HTR3B: variants seen among roughly 807,000 people sequenced by gnomAD.
HTR3B encodes the protein 5-hydroxytryptamine receptor 3B, also known as 5-hydroxytryptamine (serotonin) receptor 3B, ionotropic.
HTR3B carries 44 observed loss-of-function variants against 42.8 expected under a neutral mutation model. The observed-to-expected ratio is 1.03, with a 90% CI of 0.81 to 1.32. HTR3B has a LOEUF of 1.32. Ranked by LOEUF, HTR3B falls within the 40% of genes most tolerant of loss-of-function variation. The probability of loss-of-function intolerance (pLI) is 0.00; values close to 1 mark genes in which losing one functional copy is unlikely to be tolerated. For synonymous variants in HTR3B, 203 were observed against 209.0 expected, an observed-to-expected ratio of 0.97 and a Z score of 0.25; for missense variants, 527 against 536.5, an observed-to-expected ratio of 0.98 and a Z score of 0.17.
At chr11:113,918,353 G>C (rs918698504) in intron 2 of HTR3B, among the ~76,000 whole-genome samples, 2 of 151,472 alleles carry the variant, frequency 1.3e-5, no homozygotes, top group East Asian at 3.9e-4. Flanking sequence ...CACAATCAAA[G>C]TACATAATTG....
chr11:113,906,397 A>T (rs1475791176), intron 1 of HTR3B, among the ~76,000 whole-genome samples: 1 of 152,204 alleles, frequency 6.6e-6, no homozygotes, highest in Non-Finnish European at 1.5e-5. Context: ...AACCCTGGGA[A>T]GTCAATTAAT....
At position 113,944,695 on chromosome 11, in the gene HTR3B, G is replaced by T. The variant is rs773811646; in HGVS notation, c.1030G>T (p.Gly344Trp). 1.2e-6 allele frequency: 2 copies of T among 1,614,012 alleles called. No homozygotes were observed. Among genetic ancestry groups the T allele is most frequent in the African/African-American group, 2.7e-5 (2 of 74,898 alleles). Residue 344 changes from glycine to tryptophan, a missense_variant, in exon 8 of 9, where the codon GGG becomes TGG. Physicochemically the swap from Gly to Trp is radical, Grantham distance 184 (BLOSUM62 -2). Transcript: ENST00000260191. ...GQEQPFLCLR[G>W]DTDADRPRVE... Reference sequence around the variant, plus strand: ...GGAGCAGCCCTTCTTGTGCCTTCGAGGGGACACCGATGCTGACAGGCCTAG... The same window carrying T: ...GGAGCAGCCCTTCTTGTGCCTTCGATGGGACACCGATGCTGACAGGCCTAG...
Position 113,946,085 on chromosome 11 carries a change from G to T in HTR3B, c.1274G>T (p.Gly425Val), listed in dbSNP as rs757627797. The part of the protein sequence containing the change: ...LLFQSYLFML[G>V]IYTITLCSLW... ...TTCCAAAGCTACCTTTTCATGCTGGGGATCTACACCATCACTCTGTGCTCC... is the reference window on the plus strand; with the variant it reads ...TTCCAAAGCTACCTTTTCATGCTGGTGATCTACACCATCACTCTGTGCTCC... The change falls in exon 9 of 9, where the codon GGG (glycine) becomes GTG (valine). Residue 425 changes from glycine to valine, a missense_variant. Gly to Val is a moderately radical substitution (Grantham distance 109, BLOSUM62 -3). Transcript: ENST00000260191. The T allele has an allele frequency of 4.1e-6, 6 of 1,473,460 alleles. No individual in the cohort carries two copies. In the Admixed American group the frequency reaches 1.2e-4, roughly 29 times the overall value. 91.3% of individuals were successfully genotyped at this position (1,473,460 alleles called of 1,614,324 possible). A position where few individuals can be genotyped will look rare whatever the true frequency, so the allele number is the denominator to read the frequency against.
At chr11:113,940,150 G>A (rs540428423) in intron 6 of HTR3B, among the ~76,000 whole-genome samples, 1 of 152,068 alleles carries the variant, frequency 6.6e-6, no homozygotes, top group African/African-American at 2.4e-5. Context: ...GCCTCCCAAA[G>A]TGCTAGGATT....
At chr11:113,937,002 G>A (rs1286487913) in intron 6 of HTR3B, among the ~76,000 whole-genome samples, 1 of 152,176 alleles carries the variant, frequency 6.6e-6, no homozygotes, top group Admixed American at 6.5e-5. Context: ...TGGCTTTAAT[G>A]GATAATGAAA....
chr11:113,905,035 G>A (rs1022038853), intron 1 of HTR3B, 50 bp downstream of exon 1: 22 of 1,315,060 alleles, frequency 1.7e-5, no homozygotes, highest in Non-Finnish European at 2.1e-5. Flanking sequence ...ACTCTTAGAA[G>A]ATAGAGACAA....
upstream of HTR3B, among the ~76,000 whole-genome samples, chr11:113,901,069 G>T (rs1051325940): frequency 1.3e-5 from 2 of 152,146 alleles, no homozygotes; most frequent in Non-Finnish European, 2.9e-5. Context: ...GATGAAAAAT[G>T]CTGTATGTAA....
In HTR3B at chr11:113,945,964, C is replaced by T. The variant is rs1389050255; in HGVS notation, c.1153C>T (p.Leu385Phe). 6.2e-6 allele frequency: 10 copies of T among 1,614,036 alleles called. No homozygotes were observed. The highest frequency in any genetic ancestry group is 8.5e-6 in the Non-Finnish European group (10 of 1,180,024). Residue 385 changes from leucine to phenylalanine, a missense_variant, in exon 9 of 9, where the codon CTT (leucine) becomes TTT (phenylalanine). Transcript: ENST00000260191. ...PGTLKEVWSQ[L>F]QSISNYLQTQ... Reference sequence around the variant, plus strand: ...AACCCTGAAGGAAGTCTGGTCGCAGCTTCAATCTATCAGCAACTACCTCCA... The same window carrying T: ...AACCCTGAAGGAAGTCTGGTCGCAGTTTCAATCTATCAGCAACTACCTCCA...
At chr11:113,921,617 CA>C (rs765786534) in intron 2 of HTR3B, among the ~76,000 whole-genome samples, 8,300 of 95,500 alleles carry the variant, frequency 0.087, 282 homozygotes, top group African/African-American at 0.15. Flanking sequence ...GACTCCGTCT[CA>C]AAAAAAAAAA....
intron 6 of HTR3B, among the ~76,000 whole-genome samples, chr11:113,938,039 C>T (rs1454363589): frequency 1.3e-5 from 2 of 152,120 alleles, no homozygotes; most frequent in Non-Finnish European, 2.9e-5. Flanking sequence ...GCTCCCGTCT[C>T]TGCCTCCATC....
chr11:113,925,505 C>A (rs1447381539), intron 2 of HTR3B, among the ~76,000 whole-genome samples: 2 of 147,380 alleles, frequency 1.4e-5, no homozygotes, highest in South Asian at 4.3e-4. Flanking sequence ...CTCACTGCAA[C>A]CTCCGCCTCC....
intron 2 of HTR3B, among the ~76,000 whole-genome samples, chr11:113,926,413 T>C (rs1949972526): frequency 6.6e-6 from 1 of 151,888 alleles, no homozygotes; most frequent in South Asian, 2.1e-4. Context: ...ATATGATAAA[T>C]ATATGTTTAA....
intron 8 of HTR3B, 127 bp downstream of exon 8, chr11:113,944,882 G>T: frequency 1.3e-6 from 1 of 777,680 alleles, no homozygotes; most frequent in Non-Finnish European, 2.0e-6. Context: ...TTCTTAGCCT[G>T]GGTGTGGCAT....
intron 2 of HTR3B, among the ~76,000 whole-genome samples, chr11:113,911,326 G>A (rs1334223374): frequency 2.6e-5 from 4 of 151,752 alleles, no homozygotes; most frequent in Non-Finnish European, 5.9e-5. Context: ...TGCCTCCCGG[G>A]TTCAAGTGAT....
chr11:113,944,649 T>C lies in HTR3B; in HGVS notation c.984T>C (p.His328=). Residue 328 remains histidine, a synonymous_variant, in exon 8 of 9, where the codon CAT becomes CAC. Coordinates refer to ENST00000260191, the MANE Select transcript of HTR3B (RefSeq NM_006028.5). Reference sequence around the variant, plus strand: ...CCATCGTGTTGGTCAAATTCCTCCATGATGAGCAGCGTGGTGGACAGGAGC... The same window carrying C: ...CCATCGTGTTGGTCAAATTCCTCCACGATGAGCAGCGTGGTGGACAGGAGC... ...AKSIVLVKFL[H]DEQRGGQEQP... 6.2e-7 allele frequency: 1 copy of C among 1,614,182 alleles called. No individual in the cohort carries two copies. Among genetic ancestry groups the C allele is most frequent in the Non-Finnish European group, 8.5e-7 (1 of 1,180,026 alleles).
intron 2 of HTR3B, among the ~76,000 whole-genome samples, chr11:113,920,027 T>C (rs574177256): frequency 2.0e-5 from 3 of 152,212 alleles, no homozygotes; most frequent in Admixed American, 1.3e-4. Flanking sequence ...TTATTTTTGT[T>C]TTTATTTTTA....
At position 113,935,042 on chromosome 11, in the gene HTR3B, GCA is replaced by G. The variant is rs139606463; in HGVS notation, c.696+1969_696+1970del. ...TGCTTGCATACACAGGCACACATGTGCACACACACACACACACACACTCTCTC... is the reference window on the plus strand; with the variant it reads ...TGCTTGCATACACAGGCACACATGTGCACACACACACACACACACTCTCTC... On this transcript the variant is annotated intron_variant, in intron 6 of 8. Coordinates refer to ENST00000260191, the MANE Select transcript of HTR3B (RefSeq NM_006028.5). 2.2e-3 allele frequency among the ~76,000 whole-genome samples: 329 copies of G among 150,356 alleles called. 1 individual carries two copies. The highest frequency in any genetic ancestry group is 6.0e-3 in the African/African-American group (246 of 40,978).
At chr11:113,919,209 T>C (rs1323732709) in intron 2 of HTR3B, among the ~76,000 whole-genome samples, 1 of 152,208 alleles carries the variant, frequency 6.6e-6, no homozygotes, top group African/African-American at 2.4e-5. Flanking sequence ...CATTAACTTA[T>C]TACAGTGTAC....
At chr11:113,900,648 C>A (rs1207414871), upstream of HTR3B, among the ~76,000 whole-genome samples, 3 of 152,132 alleles carry the variant, frequency 2.0e-5, no homozygotes, top group African/African-American at 7.2e-5. Context: ...CATGGGCCAC[C>A]ATGCCCAGCT....
Sources: allele counts gnomAD v4.1 joint callset (sites outside exome capture counted in the v4.1 genomes callset), GRCh38; gene constraint gnomAD v4.1.1; transcripts MANE v1.5; gene names NCBI Gene and HGNC (gene_info 2026-07-23, HGNC 2026-07-21).